Variants in COMMD9 observed in about 807,000 individuals in gnomAD.
The protein encoded by COMMD9 is COMM domain-containing protein 9.
COMMD9 carries 22 observed loss-of-function variants against 23.4 expected under a neutral mutation model. The ratio of observed to expected loss-of-function variants is 0.94; its 90% CI spans 0.67 to 1.34. The LOEUF (loss-of-function observed/expected upper bound fraction) is 1.34, where lower values mean the gene tolerates loss of function less well. COMMD9 is among the 40% of genes most tolerant of loss of function. COMMD9 has a pLI of 0.00. For synonymous variants in COMMD9, 99 were observed against 97.4 expected (o/e 1.02, Z -0.10); for missense variants, 231 against 240.2 (o/e 0.96, Z 0.25).
chr11:36,277,398 T>C (rs1398987843), intron 3 of COMMD9, among the ~76,000 whole-genome samples: 1 of 152,252 alleles, frequency 6.6e-6, no homozygotes, highest in Non-Finnish European at 1.5e-5. Flanking sequence ...GCTATTGTTC[T>C]TTTGTGCTTT....
rs769342608 is a variant in COMMD9 at position 36,280,817 on chromosome 11, GACA to G, written c.69_71del (p.Val24del). Reference sequence around the variant, plus strand: ...AAAAGCTTTCTTGACACAGCTGTCTGACAACATCTTTCGAGGAGGCCTATGAAT... The same window carrying G: ...AAAAGCTTTCTTGACACAGCTGTCTGACATCTTTCGAGGAGGCCTATGAAT... On this transcript the variant is annotated inframe_deletion, in exon 2 of 6. Transcript: ENST00000263401. 6.3e-7 allele frequency: 1 copy of G among 1,591,806 alleles called. No homozygotes were observed. The highest frequency in any genetic ancestry group is 8.6e-7 in the Non-Finnish European group (1 of 1,168,690).
At position 36,272,744 on chromosome 11, in the gene COMMD9, C is replaced by G. The variant is rs1209505985; in HGVS notation, c.*1888G>C. The G allele has an allele frequency of 6.6e-6, 1 of 152,206 alleles. No homozygotes were observed. Among genetic ancestry groups the G allele is most frequent in the African/African-American group, 2.4e-5 (1 of 41,444 alleles). The allele number at this position is 152,206 out of a possible 1,614,324, so 9.4% of individuals were successfully genotyped here. On this transcript the variant is annotated 3_prime_UTR_variant, in exon 6 of 6. Transcript: ENST00000263401. ...TAGGCAGACGTAAGATCTCTCATCT[C>G]TACTTCAGTTTCAACATTTTCCAAA...
At chr11:36,277,843 A>G (rs1856000739) in intron 3 of COMMD9, among the ~76,000 whole-genome samples, 1 of 151,380 alleles carries the variant, frequency 6.6e-6, no homozygotes, top group Non-Finnish European at 1.5e-5. Context: ...AAAATGTAAG[A>G]AAAAAATCCC....
intron 1 of COMMD9, among the ~76,000 whole-genome samples, chr11:36,286,425 AGAAAG>A (rs1856158358): frequency 2.2e-5 from 1 of 46,322 alleles, no homozygotes; most frequent in African/African-American, 5.8e-5. Flanking sequence ...AAAGAAAGAA[AGAAAG>A]AAAGAAAAGA....
At chr11:36,286,331 C>G (rs963886682) in intron 1 of COMMD9, among the ~76,000 whole-genome samples, 2 of 142,804 alleles carry the variant, frequency 1.4e-5, no homozygotes, top group South Asian at 4.5e-4. Context: ...TGGTGGATCA[C>G]TTGTGGCCAG....
chr11:36,289,035 A>G (rs1308502084), intron 1 of COMMD9, among the ~76,000 whole-genome samples: 2 of 152,136 alleles, frequency 1.3e-5, no homozygotes, highest in Non-Finnish European at 2.9e-5. Flanking sequence ...CTACGGGATG[A>G]AATGGGGAAC....
chr11:36,289,004 A>T (rs1856220677), intron 1 of COMMD9, among the ~76,000 whole-genome samples: 1 of 152,032 alleles, frequency 6.6e-6, no homozygotes, highest in African/African-American at 2.4e-5. Flanking sequence ...ATAATTTCTT[A>T]ATTGTGCAAT....
chr11:36,284,789 T>C (rs1197411129), intron 1 of COMMD9, among the ~76,000 whole-genome samples: 2 of 152,282 alleles, frequency 1.3e-5, no homozygotes, highest in Middle Eastern at 3.4e-3. Flanking sequence ...ATATGTCAAA[T>C]GGGAAGTCTC....
At chr11:36,286,412 AAGAAAGAAAG>A (rs1241408426) in intron 1 of COMMD9, among the ~76,000 whole-genome samples, 33 of 40,138 alleles carry the variant, frequency 8.2e-4, no homozygotes, top group Admixed American at 3.2e-3. Flanking sequence ...AAAAAAAAAA[AAGAAAGAAAG>A]AAAGAAAGAA....
At position 36,274,344 on chromosome 11, in the gene COMMD9, A is replaced by C. The variant is rs1369039502; in HGVS notation, c.*288T>G. On this transcript the variant is annotated 3_prime_UTR_variant, in exon 6 of 6. Transcript: ENST00000263401. ...TATGCAGAGGCAGCTGACGATGCAA[A>C]TGTTCCCTCACCCTGCCATGGTGGT... 4.7e-6 allele frequency: 3 copies of C among 631,728 alleles called. No homozygotes were observed. The highest frequency in any genetic ancestry group is 8.8e-6 in the Non-Finnish European group (3 of 340,360). 39.1% of individuals were successfully genotyped at this position (631,728 alleles called of 1,614,324 possible).
At position 36,284,536 on chromosome 11, in the gene COMMD9, A is replaced by T. The variant is rs115556685; in HGVS notation, c.52-3699T>A. ...AATACCATCAATCAATTAAATTAAT[A>T]TTCATGAAACAATACCCAGTAACAG... is the stretch of plus-strand genomic sequence containing the variant. On this transcript the variant is annotated intron_variant, in intron 1 of 5. Transcript: ENST00000263401. Among the ~76,000 whole-genome samples, 149 of 152,374 alleles carry T rather than the reference A, an allele frequency of 9.8e-4. 1 individual carries two copies. The highest frequency in any genetic ancestry group is 3.5e-3 in the African/African-American group (145 of 41,590).
rs1855945699 is a variant in COMMD9, at chr11:36,274,921, G to T, written c.457-149C>A. On this transcript the variant is annotated intron_variant, in intron 5 of 5. Transcript: ENST00000263401. ...AGCACTAGAGAGTACCAGCCCTTGG[G>T]TCATTTAGCAGTAAGGGAGAGTACA... 3.2e-6 allele frequency: 3 copies of T among 940,982 alleles called. No homozygotes were observed. In the Admixed American group the frequency reaches 8.1e-5, roughly 25 times the overall value. 58.3% of individuals were successfully genotyped at this position (940,982 alleles called of 1,614,324 possible). A position where few individuals can be genotyped will look rare whatever the true frequency, so the allele number is the denominator to read the frequency against.
At chr11:36,278,763 C>T in intron 2 of COMMD9, 147 bp from the exon 3 acceptor site, 1 of 743,764 alleles carries the variant, frequency 1.3e-6, no homozygotes, top group Non-Finnish European at 2.1e-6. Flanking sequence ...GCCTCTGTGG[C>T]ACATGCTCAT....
chr11:36,284,475 A>G (rs1565356864), intron 1 of COMMD9, among the ~76,000 whole-genome samples: 1 of 152,252 alleles, frequency 6.6e-6, no homozygotes, highest in African/African-American at 2.4e-5. Flanking sequence ...TGACATAACT[A>G]AACAGATATT....
At chr11:36,286,188 T>C (rs1200804583) in intron 1 of COMMD9, among the ~76,000 whole-genome samples, 1 of 152,138 alleles carries the variant, frequency 6.6e-6, no homozygotes, top group Admixed American at 6.5e-5. Context: ...CAAGTTTGCA[T>C]GTAGAAGATA....
chr11:36,286,622 C>CA (rs1384763816), intron 1 of COMMD9, among the ~76,000 whole-genome samples: 4 of 150,420 alleles, frequency 2.7e-5, no homozygotes, highest in Admixed American at 6.6e-5. Context: ...ACAAACAAAC[C>CA]AAAAAAAACC....
chr11:36,277,134 G>A lies in COMMD9; in HGVS notation c.318-11C>T, dbSNP rs756209349. 6.3e-7 allele frequency: 1 copy of A among 1,582,806 alleles called. No individual in the cohort carries two copies. Among genetic ancestry groups the A allele is most frequent in the Non-Finnish European group, 8.6e-7 (1 of 1,164,194 alleles). ...GTTCTCCAAGTAGACCTGTTTAAGA[G>A]GGAAAGATGAGGAAAAAATAATGGA... On this transcript the variant is annotated splice_polypyrimidine_tract_variant and intron_variant, in intron 3 of 5. Transcript: ENST00000263401.
chr11:36,278,476 C>A lies in COMMD9; in HGVS notation c.317+1G>T. ...GGGACTTTCAAGAAATGAGCACTTA[C>A]ACATGTTCTAGGATGATCTTTGTCA... is the stretch of plus-strand genomic sequence containing the variant. On this transcript the variant is annotated splice_donor_variant, in intron 3 of 5. Coordinates refer to ENST00000263401, the MANE Select transcript of COMMD9 (RefSeq NM_014186.4). LOFTEE classifies it high-confidence loss of function. 6.2e-7 allele frequency: 1 copy of A among 1,612,488 alleles called. No individual in the cohort carries two copies. Among genetic ancestry groups the A allele is most frequent in the Middle Eastern group, 1.7e-4 (1 of 6,058 alleles).
At chr11:36,286,412 AAG>A (rs1554980993) in intron 1 of COMMD9, among the ~76,000 whole-genome samples, 430 of 40,076 alleles carry the variant, frequency 0.011, 1 homozygote, top group East Asian at 0.054. Context: ...AAAAAAAAAA[AAG>A]AAAGAAAGAA....
Sources: gnomAD v4.1 joint callset for allele counts (sites outside exome capture counted in the v4.1 genomes callset) on GRCh38, gnomAD v4.1.1 for gene constraint, MANE v1.5 for transcripts, NCBI Gene and HGNC (gene_info 2026-07-23, HGNC 2026-07-21) for gene names.